Variants in ASMTL observed in about 807,000 individuals in gnomAD.
ASMTL encodes acetylserotonin O-methyltransferase like.
In ASMTL, 57 loss-of-function variants were observed where a neutral mutation model predicts 60.3. That is an observed-to-expected ratio of 0.95 (90% confidence interval 0.76 to 1.18). The LOEUF is 1.18. ASMTL is among the 50% of genes most tolerant of loss of function. The pLI is 0.00. For missense variants in ASMTL, 981 were observed against 852.6 expected, an observed-to-expected ratio of 1.15 and a Z score of -1.88; for synonymous variants, 419 against 373.0, an observed-to-expected ratio of 1.12 and a Z score of -1.42.
intron 11 of ASMTL, among the ~76,000 whole-genome samples, chrX:1,416,991 A>G (rs1370355255): frequency 7.3e-6 from 1 of 136,456 alleles, no homozygotes; most frequent in Non-Finnish European, 1.6e-5. Flanking sequence ...GACATACCAC[A>G]CAGAGATGTG....
chrX:1,453,365 G>T (rs1186850641), upstream of ASMTL, among the ~76,000 whole-genome samples: 24 of 77,354 alleles, frequency 3.1e-4, no homozygotes, highest in Non-Finnish European at 6.1e-4. Flanking sequence ...CCCGGGCACC[G>T]CCCCGGCCGC....
At chrX:1,428,161 A>T (rs1231348043) in intron 6 of ASMTL, 40 bp from the exon 7 acceptor site, 6 of 1,566,592 alleles carry the variant, frequency 3.8e-6, no homozygotes, top group Non-Finnish European at 4.3e-6. Context: ...CAAGGAGGAG[A>T]AAAGTTCCTG....
chrX:1,416,564 G>A lies in ASMTL; in HGVS notation c.1522+1409C>T, dbSNP rs756063370. Among the ~76,000 whole-genome samples, 555 of 149,270 alleles carry A rather than the reference G, an allele frequency of 3.7e-3. 10 individuals are homozygous for A. Among genetic ancestry groups the A allele is most frequent in the African/African-American group, 0.013 (535 of 40,412 alleles). ...ACGGACACACAGAGATACCCCAACA[G>A]GCACACAGACGCAGACACACAGACA... On this transcript the variant is annotated intron_variant, in intron 11 of 12. Coordinates refer to ENST00000381317, the MANE Select transcript of ASMTL (RefSeq NM_004192.4).
rs748809397 is a variant in ASMTL at position 1,419,040 on chromosome X, C to T, written c.1320G>A (p.Ala440=). 1.9e-5 allele frequency: 31 copies of T among 1,611,646 alleles called. No homozygotes were observed. Among genetic ancestry groups the T allele is most frequent in the African/African-American group, 5.3e-5 (4 of 74,992 alleles). ...RAMHGMTKLT[A]CQVATAFNLS... The stretch of plus-strand genomic sequence containing the variant: ...GATTGAAGGCCGTGGCCACCTGGCA[C>T]GCAGTCAGCTTCGTCATGCCGTGCA... The change falls in exon 10 of 13, where the codon GCG becomes GCA. Residue 440 remains alanine, a synonymous_variant. Transcript: ENST00000381317.
chrX:1,432,435 T>A, intron 5 of ASMTL, 58 bp from the exon 6 acceptor site: 2 of 1,353,164 alleles, frequency 1.5e-6, no homozygotes, highest in African/African-American at 2.9e-5. Context: ...CTCCGTGCCC[T>A]GACAGCTGCG....
Position 1,442,204 on chromosome X carries a change from C to T in ASMTL, c.207G>A (p.Val69=), listed in dbSNP as rs777295415. 1 of 1,613,758 alleles carries T rather than the reference C, an allele frequency of 6.2e-7. No homozygotes were observed. The highest frequency in any genetic ancestry group is 8.5e-7 in the Non-Finnish European group (1 of 1,179,848). The change falls in exon 2 of 13, where the codon GTG becomes GTA. Residue 69 remains valine, a synonymous_variant. Coordinates refer to ENST00000381317, the MANE Select transcript of ASMTL (RefSeq NM_004192.4). ...METAKQKALE[V]ANRLYQKDLR... is the part of the protein sequence containing the mutation. ...CCCTTGCCTGGTACAGCCGGTTGGCCACCTCCAGGGCCTTCTGCTTGGCGG... is the reference window on the plus strand; with the variant it reads ...CCCTTGCCTGGTACAGCCGGTTGGCTACCTCCAGGGCCTTCTGCTTGGCGG...
At chrX:1,414,095 G>C (rs1277863240) in intron 11 of ASMTL, 1 of 150,690 alleles carries the variant, frequency 6.6e-6, no homozygotes, top group Non-Finnish European at 1.5e-5. Context: ...GTCCTTCTAA[G>C]AGACAGAAGA....
In ASMTL at chrX:1,442,243, C is replaced by T. The variant is rs1419510252; in HGVS notation, c.168G>A (p.Gly56=). 1.2e-6 allele frequency: 2 copies of T among 1,613,746 alleles called. No individual in the cohort carries two copies. Among genetic ancestry groups the T allele is most frequent in the Non-Finnish European group, 1.7e-6 (2 of 1,179,864 alleles). The part of the protein sequence containing the change: ...LDKASFATPY[G]YAMETAKQKA... ...TCTGCTTGGCGGTCTCCATGGCGTA[C>T]CCATACGGAGTAGCGAAGGAGGCTT... Residue 56 remains glycine (G), a synonymous_variant, in exon 2 of 13, where the codon GGG becomes GGA. Coordinates refer to ENST00000381317, the MANE Select transcript of ASMTL (RefSeq NM_004192.4).
rs571332062 is a variant in ASMTL, at chrX:1,438,095, C to T, written c.273+1002G>A. On this transcript the variant is annotated intron_variant, in intron 3 of 12. Coordinates refer to ENST00000381317, the MANE Select transcript of ASMTL (RefSeq NM_004192.4). ...CTTGAGGTCGGGAGTTTGAGACCAG[C>T]CTGGCCAACATGGTGAAACCCCGTC... Among the ~76,000 whole-genome samples the T allele has an allele frequency of 1.0e-3, 154 of 151,800 alleles. 2 individuals carry two copies. Among genetic ancestry groups the T allele is most frequent in the Non-Finnish European group, 5.7e-4 (39 of 67,940 alleles).
Position 1,452,743 on chromosome X carries a change from C to T in ASMTL, c.93+5G>A, listed in dbSNP as rs771085106. ...TCCCCTGCCCCGCCCAGGCCCAGGC[C>T]GTACCGCGTTGCTGAGGATCTCCTG... On this transcript the variant is annotated splice_donor_5th_base_variant and intron_variant, in intron 1 of 12. Transcript: ENST00000381317. 2.5e-6 allele frequency: 4 copies of T among 1,586,658 alleles called. No individual in the cohort carries two copies. The highest frequency in any genetic ancestry group is 2.3e-5 in the East Asian group (1 of 44,104).
At chrX:1,432,724 G>A (rs1337050563) in intron 5 of ASMTL, among the ~76,000 whole-genome samples, 7 of 152,162 alleles carry the variant, frequency 4.6e-5, no homozygotes, top group African/African-American at 1.7e-4. Flanking sequence ...AGCTACTCGG[G>A]AGGCTGAGGC....
chrX:1,425,524 C>A lies in ASMTL; in HGVS notation c.1060+1G>T. 1 of 1,611,562 alleles carries A rather than the reference C, an allele frequency of 6.2e-7. No homozygotes were observed. The highest frequency in any genetic ancestry group is 1.1e-5 in the South Asian group (1 of 90,994). On this transcript the variant is annotated splice_donor_variant, in intron 8 of 12. Coordinates refer to ENST00000381317, the MANE Select transcript of ASMTL (RefSeq NM_004192.4). LOFTEE classifies it high-confidence loss of function. ...GAGCAAAACCCGCTGGGTCCTGTCA[C>A]CTTGCTCTGTCTTCTCCAGGAGCCC...
intron 11 of ASMTL, among the ~76,000 whole-genome samples, chrX:1,414,996 A>C (rs1230796834): frequency 6.6e-6 from 1 of 151,806 alleles, no homozygotes; most frequent in Non-Finnish European, 1.5e-5. Context: ...GCTGGAGTGC[A>C]GTGGCGCGAT....
At chrX:1,416,009 G>GCACA (rs1228208308) in intron 11 of ASMTL, among the ~76,000 whole-genome samples, 6 of 141,888 alleles carry the variant, frequency 4.2e-5, no homozygotes, top group Admixed American at 1.4e-4. Flanking sequence ...AGCAAGACAG[G>GCACA]CACACACACA....
chrX:1,427,105 C>T (rs1236507623), intron 7 of ASMTL, among the ~76,000 whole-genome samples: 1 of 152,214 alleles, frequency 6.6e-6, no homozygotes, highest in East Asian at 1.9e-4. Context: ...AATCCAATGA[C>T]AGGTGTCCTT....
At position 1,427,792 on chromosome X, in the gene ASMTL, G is replaced by A. The variant is rs745559816; in HGVS notation, c.839C>T (p.Thr280Ile). 105 of 1,612,884 alleles carry A rather than the reference G, an allele frequency of 6.5e-5. No individual in the cohort carries two copies. The East Asian group carries it at 2.3e-3, about 35-fold the overall frequency. ...AEAECHRTRE[T>I]LPPFPTRLLE... is the part of the protein sequence containing the mutation. ...GAGGCGTGTCGGGAACGGAGGCAGGGTCTCCCGAGTCCTGTGACACTCAGC... is the reference window on the plus strand; with the variant it reads ...GAGGCGTGTCGGGAACGGAGGCAGGATCTCCCGAGTCCTGTGACACTCAGC... The change falls in exon 7 of 13, where the codon ACC (threonine) becomes ATC (isoleucine). Residue 280 changes from threonine to isoleucine, a missense_variant. Physicochemically the swap from Thr to Ile is moderately conservative, Grantham distance 89. Transcript: ENST00000381317.
At chrX:1,419,614 C>T (rs55703158) in intron 9 of ASMTL, among the ~76,000 whole-genome samples, 22,807 of 151,918 alleles carry the variant, frequency 0.15, 1,875 homozygotes, top group Middle Eastern at 0.22. Context: ...GCACCTACCC[C>T]GGGTCCCAGA....
At chrX:1,416,167 A>G (rs2090245677) in intron 11 of ASMTL, among the ~76,000 whole-genome samples, 1 of 150,566 alleles carries the variant, frequency 6.6e-6, no homozygotes, top group Non-Finnish European at 1.5e-5. Context: ...ATGGACATAC[A>G]GATATAGCGA....
At chrX:1,412,040 C>T (rs1251065504) in intron 12 of ASMTL, among the ~76,000 whole-genome samples, 1 of 151,684 alleles carries the variant, frequency 6.6e-6, no homozygotes, top group Admixed American at 6.6e-5. Context: ...TGGTCTCAAA[C>T]CCCCGACCTC....
Sources: allele counts gnomAD v4.1 joint callset (sites outside exome capture counted in the v4.1 genomes callset), GRCh38; gene constraint gnomAD v4.1.1; transcripts MANE v1.5; gene names NCBI Gene and HGNC (gene_info 2026-07-23, HGNC 2026-07-21).